KCND2: variants seen among roughly 807,000 people sequenced by gnomAD.
The protein encoded by KCND2 is A-type voltage-gated potassium channel KCND2.
In KCND2, 16 loss-of-function variants were observed where a neutral mutation model predicts 54.4. The ratio of observed to expected loss-of-function variants is 0.29; its 90% CI spans 0.20 to 0.45. KCND2 has a LOEUF of 0.45. Ranked by LOEUF, KCND2 falls within the 20% of genes least tolerant of loss-of-function variation. The probability of loss-of-function intolerance (pLI) is 1.00; values close to 1 mark genes in which losing one functional copy is unlikely to be tolerated. For synonymous variants in KCND2, 317 were observed against 310.7 expected, an observed-to-expected ratio of 1.02 and a Z score of -0.21; for missense variants, 486 against 824.2, an observed-to-expected ratio of 0.59 and a Z score of 5.02.
chr7:120,607,435 G>C (rs1792895521), intron 1 of KCND2, among the ~76,000 whole-genome samples: 1 of 152,014 alleles, frequency 6.6e-6, no homozygotes, highest in South Asian at 2.1e-4. Flanking sequence ...AAATCTACAG[G>C]TTCTCAATTT....
At chr7:120,288,856 A>C (rs1799387836) in intron 1 of KCND2, among the ~76,000 whole-genome samples, 1 of 152,128 alleles carries the variant, frequency 6.6e-6, no homozygotes, top group Non-Finnish European at 1.5e-5. Flanking sequence ...AGTTAAAATC[A>C]GGAGGCCTGA....
At chr7:120,479,348 A>G (rs1802571180) in intron 1 of KCND2, among the ~76,000 whole-genome samples, 3 of 152,120 alleles carry the variant, frequency 2.0e-5, no homozygotes, top group Admixed American at 2.0e-4. Flanking sequence ...TTATATTTCA[A>G]TTAAACATTT....
chr7:120,472,697 C>G (rs2116263378), intron 1 of KCND2, among the ~76,000 whole-genome samples: 1 of 152,118 alleles, frequency 6.6e-6, no homozygotes, highest in Admixed American at 6.5e-5. Flanking sequence ...TTGCAACAGA[C>G]TAAACTCAGT....
At chr7:120,732,750 C>A (rs905799996) in intron 1 of KCND2, among the ~76,000 whole-genome samples, 153 bp from the exon 2 acceptor site, 1 of 152,042 alleles carries the variant, frequency 6.6e-6, no homozygotes, top group Non-Finnish European at 1.5e-5. Context: ...TAATTTCTGA[C>A]ATTAAAGTCT....
At chr7:120,289,062 A>G (rs996288439) in intron 1 of KCND2, among the ~76,000 whole-genome samples, 49 of 37,402 alleles carry the variant, frequency 1.3e-3, no homozygotes, top group African/African-American at 1.9e-3. Flanking sequence ...ACACACACAC[A>G]CACACACACA....
At chr7:120,570,114 A>T (rs924589021) in intron 1 of KCND2, among the ~76,000 whole-genome samples, 1 of 152,134 alleles carries the variant, frequency 6.6e-6, no homozygotes, top group Admixed American at 6.5e-5. Context: ...CTTCTGTTTG[A>T]ACATAATTTT....
intron 1 of KCND2, among the ~76,000 whole-genome samples, chr7:120,401,970 A>T (rs996048165): frequency 6.6e-6 from 1 of 152,154 alleles, no homozygotes; most frequent in African/African-American, 2.4e-5. Flanking sequence ...ATTTCTAAAA[A>T]CAAAATTAGG....
chr7:120,479,199 TTAAC>T (rs1033719611), intron 1 of KCND2, among the ~76,000 whole-genome samples: 2 of 152,180 alleles, frequency 1.3e-5, no homozygotes, highest in African/African-American at 2.4e-5. Flanking sequence ...TCCTAACTTT[TTAAC>T]TAAGAAGCTT....
chr7:120,707,269 CTT>C (rs1282762233), intron 1 of KCND2, among the ~76,000 whole-genome samples: 1 of 152,066 alleles, frequency 6.6e-6, no homozygotes, highest in Non-Finnish European at 1.5e-5. Flanking sequence ...TTATAATACA[CTT>C]ATATAACAAT....
intron 1 of KCND2, among the ~76,000 whole-genome samples, chr7:120,435,158 G>A (rs969039008): frequency 6.6e-6 from 1 of 151,802 alleles, no homozygotes; most frequent in African/African-American, 2.4e-5. Context: ...CTTGAGTGGA[G>A]TGCAGTGGCT....
At chr7:120,742,037 G>C (rs532422065) in intron 3 of KCND2, among the ~76,000 whole-genome samples, 4 of 152,030 alleles carry the variant, frequency 2.6e-5, no homozygotes, top group Non-Finnish European at 5.9e-5. Context: ...TAACGAAGAG[G>C]GAATACTATT....
chr7:120,299,628 G>A (rs2116292296), intron 1 of KCND2, among the ~76,000 whole-genome samples: 2 of 152,250 alleles, frequency 1.3e-5, no homozygotes, highest in Middle Eastern at 6.8e-3. Context: ...AGAGACAGAG[G>A]CTTCTTTCAT....
chr7:120,422,336 A>G (rs1203403403), intron 1 of KCND2, among the ~76,000 whole-genome samples: 1 of 152,106 alleles, frequency 6.6e-6, no homozygotes, highest in Non-Finnish European at 1.5e-5. Context: ...TTCCAAATCC[A>G]ACTTTGAGCT....
At chr7:120,579,797 ACAT>A (rs1478255244) in intron 1 of KCND2, among the ~76,000 whole-genome samples, 1 of 152,144 alleles carries the variant, frequency 6.6e-6, no homozygotes, top group Non-Finnish European at 1.5e-5. Context: ...TACAATAAGC[ACAT>A]CAGTCTTTAC....
At chr7:120,371,589 C>A (rs1016130261) in intron 1 of KCND2, among the ~76,000 whole-genome samples, 1 of 151,994 alleles carries the variant, frequency 6.6e-6, no homozygotes, top group African/African-American at 2.4e-5. Flanking sequence ...TCTTCACATT[C>A]ACTCAATGTT....
intron 1 of KCND2, among the ~76,000 whole-genome samples, chr7:120,277,331 T>G (rs951118025): frequency 6.6e-6 from 1 of 152,086 alleles, no homozygotes; most frequent in East Asian, 1.9e-4. Context: ...CTTCGCAGTG[T>G]AGGTGCTGAT....
intron 1 of KCND2, among the ~76,000 whole-genome samples, chr7:120,652,561 A>G (rs1270410378): frequency 6.6e-6 from 1 of 152,250 alleles, no homozygotes; most frequent in Admixed American, 6.5e-5. Flanking sequence ...AGACTGTGAT[A>G]GCATATATAA....
rs567009471 is a variant in KCND2, at chr7:120,448,389, A to G, written c.1115+172642A>G. Among the ~76,000 whole-genome samples the G allele has an allele frequency of 3.3e-5, 5 of 152,264 alleles. No individual in the cohort carries two copies. In the East Asian group the frequency reaches 5.8e-4, roughly 18 times the overall value. On this transcript the variant is annotated intron_variant, in intron 1 of 5. Transcript: ENST00000331113. ...CTTTTTTATGGCTGCATAGTATCCC[A>G]TGGTGTATATGTGCCACATTTTCTT... is the stretch of plus-strand genomic sequence containing the variant.
At position 120,667,993 on chromosome 7, in the gene KCND2, A is replaced by G. The variant is rs184794089; in HGVS notation, c.1116-64910A>G. ...AAAGAGTACATTTAAATATCTCATT[A>G]AAAAGTTTATTATTATACCTGAGTA... On this transcript the variant is annotated intron_variant, in intron 1 of 5. Transcript: ENST00000331113. 1.9e-3 allele frequency among the ~76,000 whole-genome samples: 292 copies of G among 152,178 alleles called. 1 individual carries two copies. The highest frequency in any genetic ancestry group is 6.6e-3 in the African/African-American group (275 of 41,556).
Sources: allele counts gnomAD v4.1 joint callset (sites outside exome capture counted in the v4.1 genomes callset), GRCh38; gene constraint gnomAD v4.1.1; transcripts MANE v1.5; gene names NCBI Gene and HGNC (gene_info 2026-07-23, HGNC 2026-07-21).